The following ZNF99 variants were observed in gnomAD, a reference collection of about 807,000 sequenced individuals.
ZNF99 encodes zinc finger protein ENSP00000375192.
In ZNF99, 8 loss-of-function variants were observed where a neutral mutation model predicts 12.8. That is an observed-to-expected ratio of 0.62 (90% CI 0.37 to 1.13). The LOEUF is 1.13. ZNF99 is among the 50% of genes most tolerant of loss of function. The pLI is 0.02. For missense variants in ZNF99, 1,007 were observed against 1,006.2 expected, an observed-to-expected ratio of 1.00 and a Z score of -0.01; for synonymous variants, 318 against 319.0, an observed-to-expected ratio of 1.00 and a Z score of 0.03.
chr19:22,758,579 T>A lies in ZNF99; in HGVS notation c.1330A>T (p.Lys444Ter). The A allele has an allele frequency of 1.2e-6, 2 of 1,612,482 alleles. No individual in the cohort carries two copies. Among genetic ancestry groups the A allele is most frequent in the Non-Finnish European group, 1.7e-6 (2 of 1,179,448 alleles). ...FKRFSALRKH[K>*]IIHTGKQPYK... ...GGTTGCTTTCCAGTATGAATTATCT[T>A]ATGTTTTCTAAGGGCTGAGAAACGC... The change falls in exon 4 of 4, where the codon AAG (lysine) becomes TAG (stop). Residue 444 changes from lysine (K) to a stop codon, truncating the protein, a stop_gained. Transcript: ENST00000596209. LOFTEE classifies it low-confidence loss of function (END_TRUNC).
intron 1 of ZNF99, chr19:22,774,311 TCAG>T (rs1237169177): frequency 1.3e-5 from 2 of 150,848 alleles, no homozygotes; most frequent in Admixed American, 6.6e-5. Context: ...GGGCATATTC[TCAG>T]CAGAATTTTA....
chr19:22,767,107 CAA>C (rs35316902), intron 3 of ZNF99, among the ~76,000 whole-genome samples: 13,041 of 81,548 alleles, frequency 0.16, 1,298 homozygotes, highest in African/African-American at 0.36. Context: ...CTGTCTCTAC[CAA>C]AAAAAAAAAA....
chr19:22,756,376 G>T lies in ZNF99; in HGVS notation c.*938C>A, dbSNP rs71357934. 6.3e-7 allele frequency: 1 copy of T among 1,592,158 alleles called. No homozygotes were observed. Among genetic ancestry groups the T allele is most frequent in the Admixed American group, 1.7e-5 (1 of 59,122 alleles). ...CTTTGCCACATTCTTCACATTTGTA[G>T]GGTTTCTCTCCAGAATGAATTATCT... On this transcript the variant is annotated 3_prime_UTR_variant, in exon 4 of 4. Transcript: ENST00000596209.
chr19:22,759,603 T>C lies in ZNF99; in HGVS notation c.306A>G (p.Thr102=), dbSNP rs1440148815. Residue 102 remains threonine (T), a synonymous_variant, in exon 4 of 4, where the codon ACA becomes ACG. Coordinates refer to ENST00000596209, the MANE Select transcript of ZNF99 (RefSeq NM_001080409.3). Reference sequence around the variant, plus strand: ...AATTCTTATGTCCACATCTTGCATATGTTCTCAATATTATTTCTTGGAAAG... The same window carrying C: ...AATTCTTATGTCCACATCTTGCATACGTTCTCAATATTATTTCTTGGAAAG... ...KDSFQEIILR[T]YARCGHKNLR... The C allele has an allele frequency of 2.5e-6, 4 of 1,605,478 alleles. No homozygotes were observed. Among genetic ancestry groups the C allele is most frequent in the Non-Finnish European group, 3.4e-6 (4 of 1,177,782 alleles).
chr19:22,761,778 T>A (rs2145146081), intron 3 of ZNF99, among the ~76,000 whole-genome samples: 1 of 152,266 alleles, frequency 6.6e-6, no homozygotes, highest in African/African-American at 2.4e-5. Context: ...AATGAAATTA[T>A]ATCAAACACT....
At chr19:22,779,506 C>T (rs1263978931) in intron 1 of ZNF99, among the ~76,000 whole-genome samples, 3 of 152,136 alleles carry the variant, frequency 2.0e-5, no homozygotes, top group Non-Finnish European at 4.4e-5. Flanking sequence ...GCCTCAGCAA[C>T]AGAGTGAGAC....
chr19:22,768,180 T>A lies in ZNF99; in HGVS notation c.226+125A>T, dbSNP rs1191774999. The A allele has an allele frequency of 2.8e-6, 3 of 1,071,724 alleles. No homozygotes were observed. The African/African-American group carries it at 4.8e-5, about 17-fold the overall frequency. 66.4% of individuals were successfully genotyped at this position (1,071,724 alleles called of 1,614,324 possible). A position where few individuals can be genotyped will look rare whatever the true frequency, so the allele number is the denominator to read the frequency against. ...TACATGAGAGCAAAATTTTAAAAAATCTCAGTCTTCCCAGAAACTACTTCC... is the reference window on the plus strand; with the variant it reads ...TACATGAGAGCAAAATTTTAAAAAAACTCAGTCTTCCCAGAAACTACTTCC... On this transcript the variant is annotated intron_variant, in intron 3 of 3. Transcript: ENST00000596209.
At chr19:22,780,450 T>C (rs1175106441) in intron 1 of ZNF99, among the ~76,000 whole-genome samples, 3 of 152,098 alleles carry the variant, frequency 2.0e-5, no homozygotes, top group Non-Finnish European at 4.4e-5. Context: ...CCCAGCACTT[T>C]GGGAGGCTGA....
In ZNF99 at chr19:22,784,051, G is replaced by A. The variant is rs1973420786; in HGVS notation, c.-35C>T. ...TCCAGGGGGTCCTGGCGTCCTAGCT[G>A]TGGATCTCCAAATACCTACAGGTCA... On this transcript the variant is annotated 5_prime_UTR_variant, in exon 1 of 4. Transcript: ENST00000596209. 1 of 1,613,044 alleles carries A rather than the reference G, an allele frequency of 6.2e-7. No homozygotes were observed. The highest frequency in any genetic ancestry group is 1.1e-5 in the South Asian group (1 of 91,038).
intron 1 of ZNF99, among the ~76,000 whole-genome samples, chr19:22,772,792 C>G (rs1973287295): frequency 6.6e-6 from 1 of 151,640 alleles, no homozygotes; most frequent in Non-Finnish European, 1.5e-5. Flanking sequence ...TCTTTTTTCT[C>G]AAATCTGAAA....
intron 2 of ZNF99, among the ~76,000 whole-genome samples, 177 bp from the exon 3 acceptor site, chr19:22,768,577 C>G (rs1973230199): frequency 6.6e-6 from 1 of 151,912 alleles, no homozygotes; most frequent in African/African-American, 2.4e-5. Context: ...ATTTTACTAC[C>G]TGGTACTACT....
At position 22,757,304 on chromosome 19, in the gene ZNF99, C is replaced by T. The variant is rs1217926335; in HGVS notation, c.*10G>A. 8 of 1,612,660 alleles carry T rather than the reference C, an allele frequency of 5.0e-6. No homozygotes were observed. The highest frequency in any genetic ancestry group is 5.9e-6 in the Non-Finnish European group (7 of 1,179,580). ...TTCTTCACATTTGTAGGGTTTCTTT[C>T]CAGTATGAATTATCTCATGTTTTCT... is the stretch of plus-strand genomic sequence containing the variant. On this transcript the variant is annotated 3_prime_UTR_variant, in exon 4 of 4. Transcript: ENST00000596209.
chr19:22,782,661 C>CTTTTTTTTTT (rs71180598), intron 1 of ZNF99, among the ~76,000 whole-genome samples: 1 of 86,650 alleles, frequency 1.2e-5, no homozygotes, highest in Non-Finnish European at 2.2e-5. Flanking sequence ...CGCACCTGGC[C>CTTTTTTTTTT]TTTTTTTTTT....
At chr19:22,770,101 C>A in intron 1 of ZNF99, 2 of 974,474 alleles carry the variant, frequency 2.1e-6, no homozygotes, top group Non-Finnish European at 2.6e-6. Flanking sequence ...GACAAGCTCA[C>A]CAGTAATGCC....
chr19:22,771,532 G>C (rs1277253275), intron 1 of ZNF99, among the ~76,000 whole-genome samples: 2 of 151,880 alleles, frequency 1.3e-5, no homozygotes, highest in Non-Finnish European at 2.9e-5. Context: ...TGGGATTACA[G>C]GCGTGAGCCA....
Position 22,757,798 on chromosome 19 carries a change from G to A in ZNF99, c.2111C>T (p.Pro704Leu). 1 of 1,612,746 alleles carries A rather than the reference G, an allele frequency of 6.2e-7. No homozygotes were observed. Among genetic ancestry groups the A allele is most frequent in the Non-Finnish European group, 8.5e-7 (1 of 1,179,714 alleles). Residue 704 changes from proline to leucine, a missense_variant, in exon 4 of 4, where the codon CCC becomes CTC. Pro to Leu is a moderately conservative substitution (Grantham distance 98). Coordinates refer to ENST00000596209, the MANE Select transcript of ZNF99 (RefSeq NM_001080409.3). ...TTTGCCACATTCTTCACATTTGTAG[G>A]GTTTCTTTCCAGTATGAATTATCTT... ...KHKIIHTGKK[P>L]YKCEECGKAF...
rs773957124 is a variant in ZNF99 at position 22,756,784 on chromosome 19, C to G, written c.*530G>C. The G allele has an allele frequency of 1.2e-6, 2 of 1,611,262 alleles. No individual in the cohort carries two copies. The highest frequency in any genetic ancestry group is 1.7e-4 in the Middle Eastern group (1 of 6,044). ...GTTAAAAGCTTTGCCACATTCTTCACATTTGTAGGGTTTCTTTCCAGTATA... is the reference window on the plus strand; with the variant it reads ...GTTAAAAGCTTTGCCACATTCTTCAGATTTGTAGGGTTTCTTTCCAGTATA... On this transcript the variant is annotated 3_prime_UTR_variant, in exon 4 of 4. Transcript: ENST00000596209.
chr19:22,756,125 G>A lies in ZNF99; in HGVS notation c.*1189C>T. 1 of 1,478,650 alleles carries A rather than the reference G, an allele frequency of 6.8e-7. No homozygotes were observed. Among genetic ancestry groups the A allele is most frequent in the African/African-American group, 1.4e-5 (1 of 72,058 alleles). The allele number at this position is 1,478,650 out of a possible 1,614,324, so 91.6% of individuals were successfully genotyped here. A position where few individuals can be genotyped will look rare whatever the true frequency, so the allele number is the denominator to read the frequency against. ...TTTGCCACATTCTTCACATATGGAG[G>A]GTCTGTCTCTAGTATAAATTATCTT... On this transcript the variant is annotated 3_prime_UTR_variant, in exon 4 of 4. Coordinates refer to ENST00000596209, the MANE Select transcript of ZNF99 (RefSeq NM_001080409.3).
chr19:22,765,818 T>C (rs1973197554), intron 3 of ZNF99, among the ~76,000 whole-genome samples: 1 of 151,974 alleles, frequency 6.6e-6, no homozygotes, highest in South Asian at 2.1e-4. Flanking sequence ...ACTGTGCATA[T>C]ATAACAAGAG....
Sources: gnomAD v4.1 joint callset for allele counts (sites outside exome capture counted in the v4.1 genomes callset) on GRCh38, gnomAD v4.1.1 for gene constraint, MANE v1.5 for transcripts, NCBI Gene and HGNC (gene_info 2026-07-23, HGNC 2026-07-21) for gene names.